The following MAST2 variants were observed in gnomAD, a reference collection of about 807,000 sequenced individuals.
MAST2 encodes microtubule-associated serine/threonine-protein kinase 2.
In MAST2, 70 loss-of-function variants were observed where a neutral mutation model predicts 147.4. The observed-to-expected ratio is 0.47, with a 90% CI of 0.39 to 0.58. The LOEUF (loss-of-function observed/expected upper bound fraction) is 0.58. Ranked by LOEUF, MAST2 falls within the 20% of genes least tolerant of loss-of-function variation. The pLI is 0.00. For synonymous variants in MAST2, 869 were observed against 896.8 expected (o/e 0.97, Z 0.55); for missense variants, 2,080 against 2,302.3 (o/e 0.90, Z 1.98).
chr1:45,975,079 T>C (rs1030114841), intron 5 of MAST2, among the ~76,000 whole-genome samples: 2 of 152,084 alleles, frequency 1.3e-5, no homozygotes, highest in Non-Finnish European at 1.5e-5. Flanking sequence ...CACCTCTAGG[T>C]CTAGTGGTAC....
At chr1:46,017,937 T>G (rs1383800043) in intron 10 of MAST2, among the ~76,000 whole-genome samples, 1 of 152,252 alleles carries the variant, frequency 6.6e-6, no homozygotes, top group African/African-American at 2.4e-5. Context: ...TATTTACTAC[T>G]CAATCTTCTG....
intron 5 of MAST2, among the ~76,000 whole-genome samples, chr1:45,961,485 C>A (rs1289436130): frequency 6.6e-6 from 1 of 152,218 alleles, no homozygotes; most frequent in Non-Finnish European, 1.5e-5. Flanking sequence ...ACTAAATCTT[C>A]CTACTCAAGT....
chr1:45,890,204 AC>A (rs143471038), intron 4 of MAST2, among the ~76,000 whole-genome samples: 12,914 of 152,182 alleles, frequency 0.085, 699 homozygotes, highest in Admixed American at 0.16. Context: ...TAAAGCCTCT[AC>A]TTTTTCTTCA....
intron 18 of MAST2, chr1:46,029,162 TAC>T: frequency 5.3e-6 from 3 of 563,842 alleles, no homozygotes; most frequent in Non-Finnish European, 9.3e-6. Flanking sequence ...GTCTCTCATA[TAC>T]ACCTGGGTGT....
rs1646310835 is a variant in MAST2 at position 46,024,282 on chromosome 1, G to A, written c.1780+302G>A. On this transcript the variant is annotated intron_variant, in intron 15 of 28. Transcript: ENST00000361297. The stretch of plus-strand genomic sequence containing the variant: ...GTATCAGACAGCAACAGAGGAGGCA[G>A]CAGAGCTACAAAAGCCCAGGATTAG... 13 of 368,344 alleles carry A rather than the reference G, an allele frequency of 3.5e-5. No homozygotes were observed. The South Asian group carries it at 3.6e-4, about 10-fold the overall frequency. The allele number at this position is 368,344 out of a possible 1,614,324, so 22.8% of individuals were successfully genotyped here. A position where few individuals can be genotyped will look rare whatever the true frequency, so the allele number is the denominator to read the frequency against.
At chr1:45,969,596 C>A (rs1643826928) in intron 5 of MAST2, among the ~76,000 whole-genome samples, 1 of 151,960 alleles carries the variant, frequency 6.6e-6, no homozygotes, top group African/African-American at 2.4e-5. Context: ...TTGCACACTT[C>A]TTATTAGAAT....
chr1:45,936,767 C>CCAT (rs1229373341), intron 4 of MAST2, among the ~76,000 whole-genome samples: 1 of 152,014 alleles, frequency 6.6e-6, no homozygotes, highest in African/African-American at 2.4e-5. Context: ...CACATGGCCA[C>CCAT]CATCATCATC....
rs1311288354 is a variant in MAST2 at position 46,025,833 on chromosome 1, G to A, written c.1919+18G>A. The A allele has an allele frequency of 6.2e-7, 1 of 1,614,142 alleles. No individual in the cohort carries two copies. On this transcript the variant is annotated intron_variant, in intron 16 of 28. Coordinates refer to ENST00000361297, the MANE Select transcript of MAST2 (RefSeq NM_015112.3). ...CCTGACAAGTATGTCCACAGTCTGT[G>A]TCCCTTGTCCAGGGTCTCCCTCTTG...
intron 3 of MAST2, among the ~76,000 whole-genome samples, chr1:45,853,222 C>T (rs1209713063): frequency 6.6e-6 from 1 of 151,682 alleles, no homozygotes; most frequent in African/African-American, 2.4e-5. Flanking sequence ...GAGCCCCATG[C>T]CCTAAAACTA....
rs1257682880 is a variant in MAST2 at position 46,023,831 on chromosome 1, A to G, written c.1631A>G (p.Asn544Ser). The G allele has an allele frequency of 3.1e-6, 5 of 1,613,976 alleles. No individual in the cohort carries two copies. Among genetic ancestry groups the G allele is most frequent in the Non-Finnish European group, 4.2e-6 (5 of 1,180,038 alleles). ...TRQRFAMKKI[N>S]KQNLILRNQI... ...CAGCGCTTTGCCATGAAGAAGATCAACAAGCAGAACCTGATCCTACGGAAC... is the reference window on the plus strand; with the variant it reads ...CAGCGCTTTGCCATGAAGAAGATCAGCAAGCAGAACCTGATCCTACGGAAC... Residue 544 changes from asparagine to serine, a missense_variant, in exon 15 of 29, where the codon AAC (asparagine) becomes AGC (serine). By Grantham distance (46) the Asn-to-Ser change is conservative. This residue lies in a region of MAST2 where 569 missense variants were observed against 642.5 expected (regional missense o/e 0.89). Transcript: ENST00000361297. The surrounding 1 kb of genome is among the most constrained non-coding windows in gnomAD (Gnocchi z 4.9).
chr1:45,931,001 G>A (rs1385160368), intron 4 of MAST2, among the ~76,000 whole-genome samples: 2 of 152,130 alleles, frequency 1.3e-5, no homozygotes, highest in Non-Finnish European at 2.9e-5. Flanking sequence ...ACACTTTAGT[G>A]TATACTTCCT....
At chr1:45,954,467 C>T (rs1377369480) in intron 4 of MAST2, among the ~76,000 whole-genome samples, 1 of 152,210 alleles carries the variant, frequency 6.6e-6, no homozygotes, top group Non-Finnish European at 1.5e-5. Flanking sequence ...TGCCAAGTCT[C>T]ACTCCAAGTA....
intron 1 of MAST2, among the ~76,000 whole-genome samples, chr1:45,807,142 C>T (rs574940164): frequency 6.6e-6 from 1 of 152,366 alleles, no homozygotes; most frequent in South Asian, 2.1e-4. Context: ...TGTCTGACCT[C>T]TGTGAACTAT....
intron 5 of MAST2, among the ~76,000 whole-genome samples, chr1:45,981,377 T>G (rs186584802): frequency 6.6e-6 from 1 of 151,908 alleles, no homozygotes; most frequent in Non-Finnish European, 1.5e-5. Context: ...TGGCTGAGGC[T>G]AGGGTTTTTT....
At chr1:45,849,784 C>A (rs538613456) in intron 3 of MAST2, among the ~76,000 whole-genome samples, 84 of 152,280 alleles carry the variant, frequency 5.5e-4, no homozygotes, top group African/African-American at 1.8e-3. Context: ...CCTCAGCCTC[C>A]CAAAGTGCTG....
chr1:46,019,889 G>T (rs1326187550), intron 11 of MAST2, among the ~76,000 whole-genome samples, 192 bp downstream of exon 11: 1 of 152,258 alleles, frequency 6.6e-6, no homozygotes, highest in Non-Finnish European at 1.5e-5. Flanking sequence ...CTGAGGGGAT[G>T]CGGCAGGGAG....
chr1:45,959,999 A>G lies in MAST2; in HGVS notation c.592+522A>G, dbSNP rs750547707. On this transcript the variant is annotated intron_variant, in intron 5 of 28. Transcript: ENST00000361297. Reference sequence around the variant, plus strand: ...TTGCCCAGGCTGGTCTTGAAATCCTAGGCTCGAGTGATCCTCCCACCTCAT... The same window carrying G: ...TTGCCCAGGCTGGTCTTGAAATCCTGGGCTCGAGTGATCCTCCCACCTCAT... Among the ~76,000 whole-genome samples, 37 of 152,234 alleles carry G rather than the reference A, an allele frequency of 2.4e-4. 1 individual carries two copies. Among genetic ancestry groups the G allele is most frequent in the Middle Eastern group, 3.4e-3 (1 of 294 alleles).
rs1444654307 is a variant in MAST2, at chr1:46,034,975, G to A, written c.4306G>A (p.Glu1436Lys). 1.2e-6 allele frequency: 2 copies of A among 1,614,014 alleles called. No individual in the cohort carries two copies. The highest frequency in any genetic ancestry group is 2.7e-5 in the African/African-American group (2 of 74,936). The change falls in exon 29 of 29, where the codon GAA (glutamate) becomes AAA (lysine). Residue 1436 changes from glutamate to lysine, a missense_variant. Glu to Lys is a moderately conservative substitution (Grantham distance 56, BLOSUM62 1). Around this residue, in one of 4 missense-constraint regions of MAST2, gnomAD observed 1,278 missense variants for 1,304.2 expected, o/e 0.98. Transcript: ENST00000361297. ...GCACAGCCTTGACCTGCCCCACTCT[G>A]AACTAAAGAAGGAACTGCCGCCCAG... ...RKHSLDLPHS[E>K]LKKELPPREV... is the part of the protein sequence containing the mutation.
rs551645637 is a variant in MAST2 at position 46,004,430 on chromosome 1, C to T, written c.747+1547C>T. On this transcript the variant is annotated intron_variant, in intron 7 of 28. Transcript: ENST00000361297. ...ACTCAAACAAGTGATTTTTTTAGAA[C>T]CAAGGTAAGTCTCATCTGCAAATTT... Among the ~76,000 whole-genome samples the T allele has an allele frequency of 3.3e-5, 5 of 151,034 alleles. No individual in the cohort carries two copies. The South Asian group carries it at 1.1e-3, about 32-fold the overall frequency.
Sources: gnomAD v4.1 joint callset for allele counts (sites outside exome capture counted in the v4.1 genomes callset) on GRCh38, gnomAD v4.1.1 for gene constraint, gnomAD v4.1.1 regional missense constraint, Gnocchi (gnomAD v3.1) non-coding constraint, MANE v1.5 for transcripts, NCBI Gene and HGNC (gene_info 2026-07-23, HGNC 2026-07-21) for gene names.